RBM25: variants seen among roughly 807,000 people sequenced by gnomAD.
The protein encoded by RBM25 is RNA-binding protein 25.
A neutral mutation model predicts 120.7 loss-of-function variants in RBM25; 19 were observed. That is an observed-to-expected ratio of 0.16 (90% confidence interval 0.11 to 0.23). The LOEUF (loss-of-function observed/expected upper bound fraction) is 0.23. Ranked by LOEUF, RBM25 falls within the 10% of genes least tolerant of loss-of-function variation. The pLI, the probability that RBM25 is intolerant of heterozygous loss-of-function variation, is 1.00. For synonymous variants in RBM25, 390 were observed against 326.7 expected, an observed-to-expected ratio of 1.19 and a Z score of -2.09; for missense variants, 605 against 1,041.5, an observed-to-expected ratio of 0.58 and a Z score of 5.77.
At chr14:73,060,876 C>G (rs1894987603) in intron 1 of RBM25, among the ~76,000 whole-genome samples, 1 of 151,316 alleles carries the variant, frequency 6.6e-6, no homozygotes, top group South Asian at 2.1e-4. Context: ...AAATGTTTTG[C>G]TAGTAAGTTG....
chr14:73,103,597 ACT>A, intron 10 of RBM25, 119 bp downstream of exon 10: 1 of 1,395,382 alleles, frequency 7.2e-7, no homozygotes, highest in Non-Finnish European at 9.4e-7. Flanking sequence ...AGACATTCTC[ACT>A]CTGTCACTCA....
Position 73,119,848 on chromosome 14 carries a change from C to T in RBM25, c.*43C>T, listed in dbSNP as rs747319545. On this transcript the variant is annotated 3_prime_UTR_variant, in exon 19 of 19. Transcript: ENST00000261973. ...GTTCCATTTCAGATTTCTTCTTTGC[C>T]ACCCTTTTAAGGACTTTGAATTTTT... The T allele has an allele frequency of 1.9e-6, 3 of 1,578,368 alleles. No individual in the cohort carries two copies. Among genetic ancestry groups the T allele is most frequent in the Non-Finnish European group, 2.6e-6 (3 of 1,170,220 alleles).
At chr14:73,106,819 G>A (rs1217345143) in intron 12 of RBM25, among the ~76,000 whole-genome samples, 2 of 149,658 alleles carry the variant, frequency 1.3e-5, no homozygotes, top group Non-Finnish European at 3.0e-5. Context: ...ATACATACAT[G>A]TATACATATA....
chr14:73,110,786 A>G, intron 14 of RBM25, 45 bp from the exon 15 acceptor site: 1 of 1,548,474 alleles, frequency 6.5e-7, no homozygotes, highest in East Asian at 2.3e-5. Flanking sequence ...AATCAAGTTG[A>G]ATGGTGTAGA....
At chr14:73,099,463 C>T in intron 8 of RBM25, 30 bp downstream of exon 8, 1 of 1,601,340 alleles carries the variant, frequency 6.2e-7, no homozygotes, top group Non-Finnish European at 8.5e-7. Flanking sequence ...TTTGACAATA[C>T]CTGTGTTTAC....
chr14:73,064,667 A>G (rs1026431559), intron 1 of RBM25, among the ~76,000 whole-genome samples: 1 of 151,322 alleles, frequency 6.6e-6, no homozygotes, highest in African/African-American at 2.4e-5. Flanking sequence ...TGCTGGGATT[A>G]CAGATGTGAG....
chr14:73,065,520 G>C (rs1017954904), intron 1 of RBM25, among the ~76,000 whole-genome samples: 1 of 151,968 alleles, frequency 6.6e-6, no homozygotes, highest in African/African-American at 2.4e-5. Flanking sequence ...TGCCACCCAG[G>C]TTCAAGCAAT....
intron 1 of RBM25, among the ~76,000 whole-genome samples, chr14:73,067,090 T>TTAC (rs1895155949): frequency 1.4e-5 from 2 of 138,652 alleles, no homozygotes; most frequent in African/African-American, 5.1e-5. Flanking sequence ...TTTTTTTTGA[T>TTAC]GTGGATTCTT....
At chr14:73,108,913 ACTT>A (rs1387135520) in intron 13 of RBM25, among the ~76,000 whole-genome samples, 3 of 152,202 alleles carry the variant, frequency 2.0e-5, no homozygotes, top group Non-Finnish European at 2.9e-5. Flanking sequence ...ATTCTACACT[ACTT>A]TCTGAGATAA....
chr14:73,110,524 G>A (rs1225420165), intron 14 of RBM25, among the ~76,000 whole-genome samples: 1 of 151,666 alleles, frequency 6.6e-6, no homozygotes, highest in East Asian at 1.9e-4. Context: ...CACCTCCCAG[G>A]TTCAAGCGAT....
chr14:73,087,939 C>T, intron 5 of RBM25, 62 bp from the exon 6 acceptor site: 3 of 1,530,044 alleles, frequency 2.0e-6, no homozygotes, highest in Admixed American at 2.0e-5. Flanking sequence ...TCTACTTTTC[C>T]ATAATTTTTT....
Position 73,065,316 on chromosome 14 carries a change from C to T in RBM25, c.-15-6311C>T, listed in dbSNP as rs183586001. 3.8e-4 allele frequency among the ~76,000 whole-genome samples: 58 copies of T among 152,090 alleles called. 1 individual carries two copies. The East Asian group carries it at 0.01, about 27-fold the overall frequency. ...GCTAGTTTTTGTATTTTAGTAGAGA[C>T]GGGGTTTCACCATGTTGGCCGGGCT... On this transcript the variant is annotated intron_variant, in intron 1 of 18. Transcript: ENST00000261973.
intron 12 of RBM25, chr14:73,107,164 A>G (rs1036194456): frequency 1.2e-4 from 18 of 152,230 alleles, no homozygotes; most frequent in Non-Finnish European, 1.5e-5. Flanking sequence ...TAATAAGATA[A>G]TCTCCAGTTT....
chr14:73,067,982 T>A (rs1895181671), intron 1 of RBM25: 1 of 256,364 alleles, frequency 3.9e-6, no homozygotes, highest in Non-Finnish European at 7.6e-6. Flanking sequence ...TTCAAAGATC[T>A]TGATGGAGCA....
intron 1 of RBM25, among the ~76,000 whole-genome samples, chr14:73,060,101 G>A (rs991773038): frequency 3.3e-4 from 50 of 151,868 alleles, no homozygotes; most frequent in Admixed American, 8.5e-4. Context: ...GTGCGGTGGC[G>A]CGATCTTGGC....
chr14:73,072,142 T>C (rs1420994326), intron 2 of RBM25, among the ~76,000 whole-genome samples: 4 of 152,086 alleles, frequency 2.6e-5, no homozygotes, highest in Non-Finnish European at 4.4e-5. Context: ...TGGCTAAGTT[T>C]TATATTTTTA....
At chr14:73,067,666 C>T (rs1440846556) in intron 1 of RBM25, among the ~76,000 whole-genome samples, 9 of 147,680 alleles carry the variant, frequency 6.1e-5, no homozygotes, top group Non-Finnish European at 1.0e-4. Flanking sequence ...TGCAGTGGCG[C>T]GATCTTGGCT....
At chr14:73,119,662 A>G in intron 18 of RBM25, 51 bp from the exon 19 acceptor site, 1 of 1,603,860 alleles carries the variant, frequency 6.2e-7, no homozygotes, top group Middle Eastern at 1.7e-4. Context: ...TTTTTGGCAG[A>G]TGTTGATGAT....
At chr14:73,067,821 G>A (rs577328142) in intron 1 of RBM25, among the ~76,000 whole-genome samples, 1 of 151,182 alleles carries the variant, frequency 6.6e-6, no homozygotes, top group South Asian at 2.1e-4. Flanking sequence ...CCGTGGTCTC[G>A]ATGTCCTGAC....
Sources: allele counts gnomAD v4.1 joint callset (sites outside exome capture counted in the v4.1 genomes callset), GRCh38; gene constraint gnomAD v4.1.1; transcripts MANE v1.5; gene names NCBI Gene and HGNC (gene_info 2026-07-23, HGNC 2026-07-21).